The following LRP12 variants were observed in gnomAD, a reference collection of about 807,000 sequenced individuals.
LRP12 encodes LDL receptor related protein 12, also known as low-density lipoprotein receptor-related protein 12.
In LRP12, 14 loss-of-function variants were observed where a neutral mutation model predicts 66.0. That is an observed-to-expected ratio of 0.21 (90% confidence interval 0.14 to 0.33). The LOEUF is 0.33. Among genes scored for constraint, LRP12 ranks in the 10% least tolerant of loss-of-function variants. The probability of loss-of-function intolerance (pLI) is 1.00; values close to 1 mark genes in which losing one functional copy is unlikely to be tolerated. For synonymous variants in LRP12, 357 were observed against 359.1 expected (o/e 0.99, Z 0.07); for missense variants, 889 against 1,053.4 (o/e 0.84, Z 2.16).
In LRP12 at chr8:104,502,202, TA is replaced by T. The variant is rs968189224; in HGVS notation, c.273-2684del. On this transcript the variant is annotated intron_variant, in intron 3 of 6. Coordinates refer to ENST00000276654, the MANE Select transcript of LRP12 (RefSeq NM_013437.5). ...AGTTTAAGGACACTGTCTTTACTTG[TA>T]AAGTATGACACACAGAGTTTCATTA... 1.3e-4 allele frequency among the ~76,000 whole-genome samples: 20 copies of T among 152,304 alleles called. No homozygotes were observed. The South Asian group carries it at 1.7e-3, about 13-fold the overall frequency.
At chr8:104,541,547 G>A (rs543127991) in intron 1 of LRP12, among the ~76,000 whole-genome samples, 147 of 152,244 alleles carry the variant, frequency 9.7e-4, no homozygotes, top group African/African-American at 3.4e-3. Context: ...AGTGCACAAT[G>A]GGTGGTTTTT....
intron 1 of LRP12, among the ~76,000 whole-genome samples, chr8:104,562,851 T>G (rs1336562134): frequency 6.6e-6 from 1 of 152,164 alleles, no homozygotes; most frequent in Admixed American, 6.5e-5. Flanking sequence ...TTCTTGCCAT[T>G]TAGAAATCTC....
At chr8:104,551,191 C>T (rs1406706687) in intron 1 of LRP12, among the ~76,000 whole-genome samples, 3 of 152,140 alleles carry the variant, frequency 2.0e-5, no homozygotes, top group African/African-American at 4.8e-5. Flanking sequence ...AAGTTGAGTG[C>T]ATTGCCACTG....
chr8:104,514,012 T>G (rs928364148), intron 2 of LRP12, among the ~76,000 whole-genome samples: 1 of 152,152 alleles, frequency 6.6e-6, no homozygotes, highest in Admixed American at 6.5e-5. Flanking sequence ...ATTTGTTTGA[T>G]GGAATAGGTA....
chr8:104,588,461 G>C (rs894798543), intron 1 of LRP12, among the ~76,000 whole-genome samples: 1 of 152,182 alleles, frequency 6.6e-6, no homozygotes, highest in Non-Finnish European at 1.5e-5. Flanking sequence ...CTTTCTCACA[G>C]TCAAGCATCT....
In LRP12 at chr8:104,588,682, C is replaced by T; in HGVS notation, c.79+137G>A. On this transcript the variant is annotated intron_variant, in intron 1 of 6. Transcript: ENST00000276654. The stretch of plus-strand genomic sequence containing the variant: ...GGGACACCCGTTCCGCCACATCCAC[C>T]CCCTCACCGGTCTTTGTCCCGCCGG... 4.8e-6 allele frequency: 3 copies of T among 620,258 alleles called. No individual in the cohort carries two copies. In the Admixed American group the frequency reaches 8.9e-5, roughly 18 times the overall value. The allele number at this position is 620,258 out of a possible 1,614,324, so 38.4% of individuals were successfully genotyped here.
intron 2 of LRP12, among the ~76,000 whole-genome samples, chr8:104,517,323 G>C (rs567055024): frequency 6.6e-6 from 1 of 151,710 alleles, no homozygotes; most frequent in African/African-American, 2.4e-5. Flanking sequence ...TACAAGTATA[G>C]AACAGAGAAG....
intron 4 of LRP12, 27 bp from the exon 5 acceptor site, chr8:104,498,103 G>A (rs755118630): frequency 1.3e-6 from 2 of 1,518,944 alleles, no homozygotes; most frequent in East Asian, 4.5e-5. Flanking sequence ...AGAAATAGAT[G>A]GAAAGAGAAG....
At chr8:104,533,232 T>G (rs1295675829) in intron 1 of LRP12, among the ~76,000 whole-genome samples, 1 of 152,108 alleles carries the variant, frequency 6.6e-6, no homozygotes, top group Non-Finnish European at 1.5e-5. Context: ...CAATTTCTTT[T>G]TCTCATTTAT....
chr8:104,509,303 C>T (rs1810958428), intron 2 of LRP12, among the ~76,000 whole-genome samples: 1 of 152,208 alleles, frequency 6.6e-6, no homozygotes, highest in Admixed American at 6.5e-5. Flanking sequence ...ACTTATCGGA[C>T]ATTTTGCTTT....
intron 1 of LRP12, among the ~76,000 whole-genome samples, chr8:104,558,231 C>A (rs964327723): frequency 2.0e-4 from 30 of 150,140 alleles, no homozygotes; most frequent in Non-Finnish European, 4.2e-4. Flanking sequence ...CAAAAAAAAA[C>A]AGAAACAAAC....
chr8:104,491,505 C>T lies in LRP12; in HGVS notation c.1748G>A (p.Arg583Gln), dbSNP rs777436090. The change falls in exon 7 of 7, where the codon CGA (arginine) becomes CAA (glutamine). Residue 583 changes from arginine to glutamine, a missense_variant. By Grantham distance (43) the Arg-to-Gln change is conservative. Coordinates refer to ENST00000276654, the MANE Select transcript of LRP12 (RefSeq NM_013437.5). ...SVLENLRLAVRSQLGFTSVRL... is the reference protein window; with the variant it reads ...SVLENLRLAVQSQLGFTSVRL... The stretch of plus-strand genomic sequence containing the variant: ...GACTGAAGTAAATCCAAGCTGAGAT[C>T]GTACCGCTAGCCTCAGATTTTCCAA... 1.2e-5 allele frequency: 20 copies of T among 1,612,706 alleles called. No individual in the cohort carries two copies. Among genetic ancestry groups the T allele is most frequent in the Middle Eastern group, 1.6e-4 (1 of 6,080 alleles).
At chr8:104,554,997 A>G (rs149520815) in intron 1 of LRP12, among the ~76,000 whole-genome samples, 3 of 152,328 alleles carry the variant, frequency 2.0e-5, no homozygotes, top group African/African-American at 7.2e-5. Flanking sequence ...AACAACTATC[A>G]GCCAAGAATT....
At chr8:104,493,743 C>T (rs534047214) in intron 6 of LRP12, among the ~76,000 whole-genome samples, 30 of 152,274 alleles carry the variant, frequency 2.0e-4, no homozygotes, top group Middle Eastern at 3.4e-3. Flanking sequence ...TCCGGACACC[C>T]GAGGCCTGGG....
chr8:104,525,016 T>C (rs1811209863), intron 2 of LRP12, among the ~76,000 whole-genome samples: 1 of 152,132 alleles, frequency 6.6e-6, no homozygotes, highest in South Asian at 2.1e-4. Context: ...GAGCAGTAAT[T>C]TGGTAATTTT....
intron 1 of LRP12, among the ~76,000 whole-genome samples, chr8:104,580,541 A>AAAAC (rs538186997): frequency 1.4e-4 from 22 of 151,918 alleles, no homozygotes; most frequent in Non-Finnish European, 2.9e-4. Flanking sequence ...AAAAAAAAAC[A>AAAAC]AAACAAACAA....
At chr8:104,514,680 A>C (rs573676428) in intron 2 of LRP12, among the ~76,000 whole-genome samples, 92 of 152,306 alleles carry the variant, frequency 6.0e-4, no homozygotes, top group Non-Finnish European at 1.1e-3. Context: ...TGTCTCAAAA[A>C]AAATGACAGA....
chr8:104,527,304 C>A lies in LRP12; in HGVS notation c.136+4603G>T, dbSNP rs528984297. ...CCTCAGGGAGCTAGAACTAGAAATA[C>A]CATTTGACCCAGCCATCCCATTACT... On this transcript the variant is annotated intron_variant, in intron 2 of 6. Transcript: ENST00000276654. Among the ~76,000 whole-genome samples the A allele has an allele frequency of 1.8e-4, 27 of 146,170 alleles. No individual in the cohort carries two copies. In the South Asian group the frequency reaches 5.6e-3, roughly 30 times the overall value.
At chr8:104,547,188 GTT>G (rs1811583284) in intron 1 of LRP12, among the ~76,000 whole-genome samples, 1 of 134,206 alleles carries the variant, frequency 7.5e-6, no homozygotes, top group East Asian at 2.1e-4. Context: ...ACAATTCTAT[GTT>G]ATATCATATT....
Sources: allele counts gnomAD v4.1 joint callset (sites outside exome capture counted in the v4.1 genomes callset), GRCh38; gene constraint gnomAD v4.1.1; transcripts MANE v1.5; gene names NCBI Gene and HGNC (gene_info 2026-07-23, HGNC 2026-07-21).